The following IL3RA variants were observed in gnomAD, a reference collection of about 807,000 sequenced individuals.
The protein encoded by IL3RA is interleukin 3 receptor subunit alpha.
A neutral mutation model predicts 52.3 loss-of-function variants in IL3RA; 73 were observed. The observed-to-expected ratio is 1.40, with a 90% CI of 1.16 to 1.70. IL3RA has a LOEUF of 1.70. Ranked by LOEUF, IL3RA falls within the 40% of genes most tolerant of loss-of-function variation. IL3RA has a pLI of 0.00. For synonymous variants in IL3RA, 260 were observed against 194.0 expected, an observed-to-expected ratio of 1.34 and a Z score of -2.83; for missense variants, 664 against 504.4, an observed-to-expected ratio of 1.32 and a Z score of -3.03.
intron 9 of IL3RA, among the ~76,000 whole-genome samples, chrX:1,367,955 C>A (rs371678994): frequency 6.6e-6 from 1 of 151,994 alleles, no homozygotes; most frequent in Non-Finnish European, 1.5e-5. Context: ...CTCTTACTCA[C>A]GAGAGGAGAC....
At position 1,348,476 on chromosome X, in the gene IL3RA, G is replaced by T; in HGVS notation, c.229G>T (p.Glu77Ter). 6.2e-7 allele frequency: 1 copy of T among 1,613,918 alleles called. No individual in the cohort carries two copies. Among genetic ancestry groups the T allele is most frequent in the Non-Finnish European group, 8.5e-7 (1 of 1,179,852 alleles). The part of the protein sequence containing the change: ...YCQFGAISLC[E>*]VTNYTVRVAN... ...CCAGTTTGGAGCAATTTCCTTATGT[G>T]AAGTGACCAACTACACCGTCCGAGT... Residue 77 changes from glutamate to a stop codon, truncating the protein, a stop_gained, in exon 4 of 12, where the codon GAA (glutamate) becomes TAA (stop). Coordinates refer to ENST00000331035, the MANE Select transcript of IL3RA (RefSeq NM_002183.4). LOFTEE classifies it high-confidence loss of function.
At chrX:1,339,668 G>C (rs555056131) in intron 1 of IL3RA, among the ~76,000 whole-genome samples, 16 of 151,986 alleles carry the variant, frequency 1.1e-4, no homozygotes, top group Non-Finnish European at 2.9e-5. Flanking sequence ...GGCGGACACC[G>C]GTAATCCCAT....
At chrX:1,380,898 C>A in intron 10 of IL3RA, 125 bp from the exon 11 acceptor site, 2 of 792,100 alleles carry the variant, frequency 2.5e-6, no homozygotes, top group South Asian at 1.6e-5. Flanking sequence ...AAATAGAGAC[C>A]CCTCGAGTAG....
At chrX:1,360,429 CCT>C (rs36157072) in intron 8 of IL3RA, among the ~76,000 whole-genome samples, 5,826 of 150,722 alleles carry the variant, frequency 0.039, 111 homozygotes, top group African/African-American at 0.054. Context: ...TTTCATTCTC[CCT>C]CTCTTTCTCT....
chrX:1,348,395 C>G lies in IL3RA; in HGVS notation c.184-36C>G, dbSNP rs761604203. The G allele has an allele frequency of 8.1e-6, 12 of 1,473,268 alleles. 1 individual carries two copies. The highest frequency in any genetic ancestry group is 2.8e-5 in the African/African-American group (2 of 72,042). The allele number at this position is 1,473,268 out of a possible 1,614,324, so 91.3% of individuals were successfully genotyped here. A position where few individuals can be genotyped will look rare whatever the true frequency, so the allele number is the denominator to read the frequency against. ...TCATTAGCGTCAAATTAAGCATGGT[C>G]TGTCAGCAGCCATCATAGTCCTATG... On this transcript the variant is annotated intron_variant, in intron 3 of 11. Coordinates refer to ENST00000331035, the MANE Select transcript of IL3RA (RefSeq NM_002183.4).
chrX:1,346,207 G>A (rs1370341991), intron 3 of IL3RA, among the ~76,000 whole-genome samples: 1 of 151,942 alleles, frequency 6.6e-6, no homozygotes, highest in African/African-American at 2.4e-5. Context: ...GAGAGGCTGA[G>A]GCGGATGGAT....
chrX:1,378,152 C>T (rs2088920376), intron 9 of IL3RA, among the ~76,000 whole-genome samples: 1 of 142,620 alleles, frequency 7.0e-6, no homozygotes, highest in Non-Finnish European at 1.5e-5. Context: ...CACTGCACTC[C>T]AGCCTGGGCG....
intron 8 of IL3RA, among the ~76,000 whole-genome samples, chrX:1,362,283 CCT>C (rs200529756): frequency 6.9e-5 from 10 of 145,976 alleles, no homozygotes; most frequent in Non-Finnish European, 1.4e-4. Context: ...TTTCTCTTTC[CCT>C]CTCTGTCTCC....
At chrX:1,365,563 G>A (rs773779632) in intron 9 of IL3RA, among the ~76,000 whole-genome samples, 8 of 44,358 alleles carry the variant, frequency 1.8e-4, no homozygotes, top group Admixed American at 2.1e-4. Context: ...AGCCGGGTGC[G>A]CGGGGTGAGC....
chrX:1,352,084 A>G lies in IL3RA; in HGVS notation c.299-16A>G. 1 of 1,613,042 alleles carries G rather than the reference A, an allele frequency of 6.2e-7. No homozygotes were observed. Among genetic ancestry groups the G allele is most frequent in the African/African-American group, 1.3e-5 (1 of 74,992 alleles). On this transcript the variant is annotated splice_polypyrimidine_tract_variant and intron_variant, in intron 4 of 11. Coordinates refer to ENST00000331035, the MANE Select transcript of IL3RA (RefSeq NM_002183.4). ...CCGGTCCCGATTCGAGTTCTCTTTCATGTTTGTGAACCCAGGTGGGAAGCC... is the reference window on the plus strand; with the variant it reads ...CCGGTCCCGATTCGAGTTCTCTTTCGTGTTTGTGAACCCAGGTGGGAAGCC...
Position 1,356,214 on chromosome X carries a change from T to C in IL3RA, c.617-7T>C. On this transcript the variant is annotated splice_region_variant and splice_polypyrimidine_tract_variant and intron_variant, in intron 6 of 11. Transcript: ENST00000331035. ...CTAAATCCTAAAAGTGTTTTTCTCG[T>C]TGCTAGAGATATTAACTCCACCCAA... is the stretch of plus-strand genomic sequence containing the variant. 1 of 1,550,118 alleles carries C rather than the reference T, an allele frequency of 6.5e-7. No individual in the cohort carries two copies. Among genetic ancestry groups the C allele is most frequent in the Non-Finnish European group, 8.9e-7 (1 of 1,124,968 alleles).
chrX:1,356,442 C>T (rs1392203746), intron 7 of IL3RA, 106 bp downstream of exon 7: 3 of 675,114 alleles, frequency 4.4e-6, no homozygotes, highest in Admixed American at 5.8e-5. Context: ...CCTCTGATAA[C>T]GTCACAGAAG....
At chrX:1,360,261 C>CCT (rs1441328784) in intron 8 of IL3RA, among the ~76,000 whole-genome samples, 5 of 38,542 alleles carry the variant, frequency 1.3e-4, no homozygotes, top group African/African-American at 2.8e-4. Context: ...TTTCTCCCTC[C>CCT]ATCTTTCTCT....
At chrX:1,347,473 C>T (rs1432457039) in intron 3 of IL3RA, among the ~76,000 whole-genome samples, 7 of 150,838 alleles carry the variant, frequency 4.6e-5, no homozygotes, top group East Asian at 3.9e-4. Context: ...GCAAACAAAA[C>T]GAAGAATATA....
intron 4 of IL3RA, among the ~76,000 whole-genome samples, chrX:1,351,515 G>C (rs2086082478): frequency 6.7e-6 from 1 of 150,052 alleles, no homozygotes; most frequent in African/African-American, 2.5e-5. Flanking sequence ...TTTTAGTAGA[G>C]GCAGGGTTTC....
intron 2 of IL3RA, among the ~76,000 whole-genome samples, chrX:1,343,615 C>G (rs1397213691): frequency 1.5e-5 from 2 of 132,776 alleles, no homozygotes; most frequent in East Asian, 4.7e-4. Flanking sequence ...TGCCGTGAGC[C>G]AAGATCACGC....
At chrX:1,355,953 G>C (rs1481628543) in intron 6 of IL3RA, among the ~76,000 whole-genome samples, 1 of 152,002 alleles carries the variant, frequency 6.6e-6, no homozygotes, top group Non-Finnish European at 1.5e-5. Context: ...GAGAACAAAA[G>C]GGTGGTTCTG....
chrX:1,349,253 C>T (rs1475035332), intron 4 of IL3RA, among the ~76,000 whole-genome samples: 1 of 150,996 alleles, frequency 6.6e-6, no homozygotes, highest in Non-Finnish European at 1.5e-5. Context: ...GCGATCTCGG[C>T]TCACTGCAAC....
At chrX:1,338,845 G>C (rs2085389851) in intron 1 of IL3RA, among the ~76,000 whole-genome samples, 2 of 152,024 alleles carry the variant, frequency 1.3e-5, no homozygotes, top group Non-Finnish European at 2.9e-5. Context: ...TGTCGCCCAG[G>C]CTGGAGTGCA....
Sources: gnomAD v4.1 joint callset for allele counts (sites outside exome capture counted in the v4.1 genomes callset) on GRCh38, gnomAD v4.1.1 for gene constraint, MANE v1.5 for transcripts, NCBI Gene and HGNC (gene_info 2026-07-23, HGNC 2026-07-21) for gene names.